Variants in OLFM3 observed in about 807,000 individuals in gnomAD.
OLFM3 encodes olfactomedin 3, also known as noelin-3.
OLFM3 carries 20 observed loss-of-function variants against 48.6 expected under a neutral mutation model. The ratio of observed to expected loss-of-function variants is 0.41; its 90% CI spans 0.29 to 0.60. The LOEUF (loss-of-function observed/expected upper bound fraction) is 0.60, where lower values mean the gene tolerates loss of function less well. Among genes scored for constraint, OLFM3 ranks in the 20% least tolerant of loss-of-function variants. The probability of loss-of-function intolerance (pLI) is 0.28; values close to 1 mark genes in which losing one functional copy is unlikely to be tolerated. For synonymous variants in OLFM3, 222 were observed against 198.1 expected, an observed-to-expected ratio of 1.12 and a Z score of -1.01; for missense variants, 437 against 544.3, an observed-to-expected ratio of 0.80 and a Z score of 1.96.
chr1:101,978,601 A>C (rs1236889689), intron 1 of OLFM3, among the ~76,000 whole-genome samples: 1 of 152,210 alleles, frequency 6.6e-6, no homozygotes, highest in Non-Finnish European at 1.5e-5. Flanking sequence ...TACTTTTTCT[A>C]GAATTAATGT....
At chr1:101,879,972 C>A (rs1402515508) in intron 1 of OLFM3, among the ~76,000 whole-genome samples, 1 of 151,878 alleles carries the variant, frequency 6.6e-6, no homozygotes, top group Non-Finnish European at 1.5e-5. Flanking sequence ...ATAAAAAGAG[C>A]AGCTGTACAA....
Position 101,926,472 on chromosome 1 carries a change from C to G in OLFM3, c.69+70276G>C, listed in dbSNP as rs77511834. ...GGCAGCCTGGTGGAGCAAGAAGAACCCTGTTTTAAGACAGAAGTCTTTAGG... is the reference window on the plus strand; with the variant it reads ...GGCAGCCTGGTGGAGCAAGAAGAACGCTGTTTTAAGACAGAAGTCTTTAGG... On this transcript the variant is annotated intron_variant, in intron 1 of 5. Transcript: ENST00000370103. Among the ~76,000 whole-genome samples the G allele has an allele frequency of 4.5e-3, 680 of 152,256 alleles. 4 individuals carry two copies. The highest frequency in any genetic ancestry group is 0.016 in the African/African-American group (650 of 41,562).
chr1:101,874,300 T>C (rs1046157316), intron 1 of OLFM3, among the ~76,000 whole-genome samples: 11 of 151,740 alleles, frequency 7.2e-5, no homozygotes, highest in African/African-American at 2.4e-4. Context: ...TTCCAATGAG[T>C]ATTAGTTGAA....
chr1:101,970,357 T>C (rs1660747162), intron 1 of OLFM3, among the ~76,000 whole-genome samples: 2 of 152,172 alleles, frequency 1.3e-5, no homozygotes, highest in African/African-American at 4.8e-5. Flanking sequence ...ATTTATTTAC[T>C]TCAGATATAG....
chr1:101,913,142 G>T (rs1658813506), intron 1 of OLFM3, among the ~76,000 whole-genome samples: 1 of 152,100 alleles, frequency 6.6e-6, no homozygotes, highest in African/African-American at 2.4e-5. Flanking sequence ...GTTTAGTTAG[G>T]ATATAAAGAA....
At chr1:101,811,650 G>C (rs966321553) in intron 4 of OLFM3, among the ~76,000 whole-genome samples, 2 of 152,028 alleles carry the variant, frequency 1.3e-5, no homozygotes, top group Admixed American at 6.6e-5. Context: ...CTATCTCACA[G>C]CAGTTAGAAT....
intron 3 of OLFM3, among the ~76,000 whole-genome samples, chr1:101,826,246 T>C (rs964292200): frequency 2.0e-5 from 3 of 151,970 alleles, no homozygotes; most frequent in Non-Finnish European, 2.9e-5. Flanking sequence ...CAGTTTCACC[T>C]TGGGTTTCTA....
At chr1:101,826,127 C>CAA (rs1654852349) in intron 3 of OLFM3, among the ~76,000 whole-genome samples, 2 of 118,336 alleles carry the variant, frequency 1.7e-5, no homozygotes, top group African/African-American at 6.2e-5. Flanking sequence ...TGACTTTCGT[C>CAA]AAACACACAC....
At chr1:101,822,036 A>G (rs1654628532) in intron 4 of OLFM3, among the ~76,000 whole-genome samples, 2 of 152,104 alleles carry the variant, frequency 1.3e-5, no homozygotes, top group African/African-American at 4.8e-5. Context: ...CTATAGAAAT[A>G]TTATGCAAAG....
chr1:101,842,779 TC>T lies in OLFM3; in HGVS notation c.70-5755del, dbSNP rs1655791778. Among the ~76,000 whole-genome samples, 3 of 152,178 alleles carry T rather than the reference TC, an allele frequency of 2.0e-5. No homozygotes were observed. In the South Asian group the frequency reaches 6.2e-4, roughly 31 times the overall value. Reference sequence around the variant, plus strand: ...GAAAAGCAGGGGGCATGAGCCGAACTCCTCTCTCTGCAGTTTTCCTTCTTTG... The same window carrying T: ...GAAAAGCAGGGGGCATGAGCCGAACTCTCTCTCTGCAGTTTTCCTTCTTTG... On this transcript the variant is annotated intron_variant, in intron 1 of 5. Transcript: ENST00000370103.
intron 1 of OLFM3, among the ~76,000 whole-genome samples, chr1:101,919,881 C>T (rs887130281): frequency 2.6e-5 from 4 of 152,112 alleles, no homozygotes; most frequent in African/African-American, 9.7e-5. Flanking sequence ...TATTTCTGCC[C>T]CCTTCTCTTA....
At chr1:101,926,658 C>T (rs557326721) in intron 1 of OLFM3, among the ~76,000 whole-genome samples, 32 of 152,264 alleles carry the variant, frequency 2.1e-4, no homozygotes, top group African/African-American at 7.5e-4. Flanking sequence ...TAGGCTCCTC[C>T]CTGGTCACCT....
intron 1 of OLFM3, among the ~76,000 whole-genome samples, chr1:101,843,950 TCATCC>T (rs1472062366): frequency 1.3e-5 from 2 of 152,138 alleles, no homozygotes; most frequent in East Asian, 3.9e-4. Flanking sequence ...TATTGCAAAC[TCATCC>T]CATTCATACT....
At chr1:101,844,008 C>A (rs1342198680) in intron 1 of OLFM3, among the ~76,000 whole-genome samples, 1 of 152,140 alleles carries the variant, frequency 6.6e-6, no homozygotes, top group Non-Finnish European at 1.5e-5. Flanking sequence ...ATGAGAAGAG[C>A]TGGTTTACTA....
At chr1:101,858,627 C>A (rs954477379) in intron 1 of OLFM3, among the ~76,000 whole-genome samples, 2 of 151,876 alleles carry the variant, frequency 1.3e-5, no homozygotes, top group Non-Finnish European at 2.9e-5. Flanking sequence ...GAATTTCCCC[C>A]TTGCTGTTCT....
chr1:101,847,112 C>T, intron 1 of OLFM3: 1 of 1,320,124 alleles, frequency 7.6e-7, no homozygotes, highest in Non-Finnish European at 9.8e-7. Context: ...CCCAGGAAAG[C>T]TTCGGAACCT....
chr1:101,822,501 C>G (rs181457722), intron 4 of OLFM3, among the ~76,000 whole-genome samples: 2 of 151,972 alleles, frequency 1.3e-5, no homozygotes, highest in Admixed American at 1.3e-4. Flanking sequence ...GGGTCTGGAA[C>G]GGTTGGTTTC....
chr1:101,923,783 C>A (rs1570634536), intron 1 of OLFM3, among the ~76,000 whole-genome samples: 1 of 152,080 alleles, frequency 6.6e-6, no homozygotes, highest in Non-Finnish European at 1.5e-5. Flanking sequence ...TAGACAGTTA[C>A]AGTTACAGTG....
At chr1:101,928,066 C>T (rs1659329210) in intron 1 of OLFM3, among the ~76,000 whole-genome samples, 1 of 151,972 alleles carries the variant, frequency 6.6e-6, no homozygotes, top group Non-Finnish European at 1.5e-5. Context: ...GCCTGCCTCA[C>T]AGAAGGCACT....
Sources: allele counts gnomAD v4.1 joint callset (sites outside exome capture counted in the v4.1 genomes callset), GRCh38; gene constraint gnomAD v4.1.1; transcripts MANE v1.5; gene names NCBI Gene and HGNC (gene_info 2026-07-23, HGNC 2026-07-21).